CEP83: variants seen among roughly 807,000 people sequenced by gnomAD.
CEP83 encodes the protein centrosomal protein 83, also known as centrosomal protein of 83 kDa.
Under a neutral mutation model 101.9 loss-of-function variants are expected in CEP83, and 70 were observed. The ratio of observed to expected loss-of-function variants is 0.69; its 90% CI spans 0.57 to 0.84. CEP83 has a LOEUF of 0.84. Ranked by LOEUF, CEP83 falls within the 40% of genes least tolerant of loss-of-function variation. CEP83 has a pLI of 0.00. For missense variants in CEP83, 715 were observed against 787.2 expected, an observed-to-expected ratio of 0.91 and a Z score of 1.10; for synonymous variants, 264 against 267.9, an observed-to-expected ratio of 0.99 and a Z score of 0.14.
In CEP83 at chr12:94,412,428, G is replaced by A. The variant is rs760371339; in HGVS notation, c.63C>T (p.Asp21=). The A allele has an allele frequency of 1.9e-6, 3 of 1,612,376 alleles. No homozygotes were observed. The highest frequency in any genetic ancestry group is 2.5e-6 in the Non-Finnish European group (3 of 1,179,136). Residue 21 remains aspartate (D), a synonymous_variant, in exon 3 of 17, where the codon GAC becomes GAT. Transcript: ENST00000397809. ...TFPNNFPPGG[D]SGLTGSQSEF... is the part of the protein sequence containing the mutation. ...CCGACTGAGAACCTGTCAATCCACT[G>A]TCTCCACCAGGAGGAAAATTATTGG...
chr12:94,453,690 C>T lies in CEP83; in HGVS notation c.-155+5867G>A, dbSNP rs911629652. Among the ~76,000 whole-genome samples the T allele has an allele frequency of 3.9e-5, 6 of 152,272 alleles. No homozygotes were observed. In the South Asian group the frequency reaches 1.0e-3, roughly 26 times the overall value. ...GCTTTAAATTGGAAGCATACCATTT[C>T]TGAAGGAAACTTTCAGAGATTTATG... On this transcript the variant is annotated intron_variant, in intron 1 of 16. Coordinates refer to ENST00000397809, the MANE Select transcript of CEP83 (RefSeq NM_016122.3).
In CEP83 at chr12:94,318,482, T is replaced by G. The variant is rs951391935; in HGVS notation, c.1708-5465A>C. Reference sequence around the variant, plus strand: ...TGGGAGTGGTGAGAGAGGGTATAATTGTCTTGTGCTGGTTTTCAAAGAGAA... The same window carrying G: ...TGGGAGTGGTGAGAGAGGGTATAATGGTCTTGTGCTGGTTTTCAAAGAGAA... On this transcript the variant is annotated intron_variant, in intron 14 of 16. Coordinates refer to ENST00000397809, the MANE Select transcript of CEP83 (RefSeq NM_016122.3). Among the ~76,000 whole-genome samples the G allele has an allele frequency of 5.9e-5, 9 of 152,160 alleles. 1 individual carries two copies. Among genetic ancestry groups the G allele is most frequent in the African/African-American group, 2.2e-4 (9 of 41,440 alleles).
At chr12:94,355,364 G>A (rs964609715) in intron 11 of CEP83, among the ~76,000 whole-genome samples, 3 of 152,038 alleles carry the variant, frequency 2.0e-5, no homozygotes, top group Non-Finnish European at 4.4e-5. Context: ...ATGGTGGCAG[G>A]TGCCTGTAGT....
At chr12:94,291,868 G>A in the CEP83 span, among the ~76,000 whole-genome samples, 8 of 152,080 alleles carry the variant, frequency 5.3e-5, no homozygotes, top group South Asian at 4.1e-4. Flanking sequence ...CCCAGTGAAC[G>A]TAGTACCCAA....
Position 94,390,719 on chromosome 12 carries a change from A to G in CEP83, c.549+10131T>C, listed in dbSNP as rs532167285. 3.3e-5 allele frequency among the ~76,000 whole-genome samples: 5 copies of G among 152,342 alleles called. No homozygotes were observed. The East Asian group carries it at 7.7e-4, about 24-fold the overall frequency. On this transcript the variant is annotated intron_variant, in intron 6 of 16. Coordinates refer to ENST00000397809, the MANE Select transcript of CEP83 (RefSeq NM_016122.3). ...TGTTCGAACCCATCGCAAGGAAGCT[A>G]AGAACCTTGAAAAAAGATTAGATGA...
At chr12:94,327,110 A>G (rs2059003210) in intron 14 of CEP83, among the ~76,000 whole-genome samples, 1 of 152,218 alleles carries the variant, frequency 6.6e-6, no homozygotes, top group African/African-American at 2.4e-5. Context: ...AATTAGTGGA[A>G]AGGAATGATT....
chr12:94,306,096 A>G (rs1360282579), downstream of CEP83: 1 of 152,174 alleles, frequency 6.6e-6, no homozygotes, highest in East Asian at 1.9e-4. Flanking sequence ...AAAAATCATT[A>G]ATTCATTTCT....
intron 6 of CEP83, 33 bp from the exon 7 acceptor site, chr12:94,379,075 T>C (rs1593545579): frequency 6.7e-7 from 1 of 1,501,516 alleles, no homozygotes; most frequent in Non-Finnish European, 9.1e-7. Flanking sequence ...CATACAAGGT[T>C]AAATTATTAA....
At chr12:94,349,285 C>CA (rs567484415) in intron 11 of CEP83, among the ~76,000 whole-genome samples, 10,909 of 73,068 alleles carry the variant, frequency 0.15, 1,546 homozygotes, top group African/African-American at 0.41. Flanking sequence ...GACTCTGTCT[C>CA]AAAAAAAAAA....
At chr12:94,325,177 CTT>C (rs199619275) in intron 14 of CEP83, among the ~76,000 whole-genome samples, 2 of 146,366 alleles carry the variant, frequency 1.4e-5, no homozygotes, top group Admixed American at 1.4e-4. Flanking sequence ...TTTTCTCTCC[CTT>C]TTTTTTTTTT....
the CEP83 span, among the ~76,000 whole-genome samples, chr12:94,275,854 C>CAAAAAA: frequency 1.7e-4 from 4 of 23,098 alleles, no homozygotes; most frequent in Non-Finnish European, 2.6e-4. Context: ...GACTCCGTCT[C>CAAAAAA]AAAAAAAAAA....
intron 7 of CEP83, among the ~76,000 whole-genome samples, chr12:94,376,620 T>A (rs1458774028): frequency 6.6e-6 from 1 of 151,388 alleles, no homozygotes; most frequent in East Asian, 1.9e-4. Flanking sequence ...TAGTACTCTT[T>A]CATGAGGGGA....
At chr12:94,361,191 G>A (rs1004460807) in intron 11 of CEP83, 3 of 152,238 alleles carry the variant, frequency 2.0e-5, no homozygotes, top group East Asian at 1.9e-4. Context: ...AAGATTTTAC[G>A]GGTGAGACCT....
At position 94,320,103 on chromosome 12, in the gene CEP83, A is replaced by C. The variant is rs118063530; in HGVS notation, c.1708-7086T>G. ...AATTGAACCCTTTACCATTATGTAA[A>C]CCCGTGTCTTTTTTGATTTTTGTTG... On this transcript the variant is annotated intron_variant, in intron 14 of 16. Transcript: ENST00000397809. 7.9e-4 allele frequency among the ~76,000 whole-genome samples: 120 copies of C among 151,428 alleles called. 1 individual carries two copies. The East Asian group carries it at 0.022, about 28-fold the overall frequency.
intron 8 of CEP83, among the ~76,000 whole-genome samples, chr12:94,373,818 C>T (rs749057583): frequency 3.9e-5 from 6 of 152,180 alleles, no homozygotes; most frequent in South Asian, 4.1e-4. Context: ...CTTTGCACTG[C>T]AAACAACCAT....
chr12:94,369,799 AAAATTAAAACT>A (rs2061210091), intron 9 of CEP83, 112 bp downstream of exon 9: 1 of 609,770 alleles, frequency 1.6e-6, no homozygotes, highest in Admixed American at 2.9e-5. Flanking sequence ...TATGTACTCC[AAAATTAAAACT>A]AAATTAAGTT....
At chr12:94,393,150 A>G (rs2062664999) in intron 6 of CEP83, among the ~76,000 whole-genome samples, 1 of 152,242 alleles carries the variant, frequency 6.6e-6, no homozygotes, top group African/African-American at 2.4e-5. Flanking sequence ...TCCTGATACC[A>G]AAGCCTGGAA....
chr12:94,366,943 A>G (rs1450098237), intron 11 of CEP83, among the ~76,000 whole-genome samples: 2 of 151,898 alleles, frequency 1.3e-5, no homozygotes, highest in African/African-American at 4.8e-5. Context: ...GTTAAGCAAC[A>G]AAAAAAATAA....
chr12:94,280,026 G>A, the CEP83 span: 10 of 367,770 alleles, frequency 2.7e-5, no homozygotes, highest in Non-Finnish European at 5.3e-5. Context: ...CATTTGATTT[G>A]TTTGTTGTGA....
Sources: gnomAD v4.1 joint callset for allele counts (sites outside exome capture counted in the v4.1 genomes callset) on GRCh38, gnomAD v4.1.1 for gene constraint, MANE v1.5 for transcripts, NCBI Gene and HGNC (gene_info 2026-07-23, HGNC 2026-07-21) for gene names.